WDR72: variants seen among roughly 807,000 people sequenced by gnomAD.
The protein encoded by WDR72 is WD repeat domain 72.
In WDR72, 120 loss-of-function variants were observed where a neutral mutation model predicts 124.2. The observed-to-expected ratio is 0.97, with a 90% CI of 0.83 to 1.12. The LOEUF is 1.12. WDR72 is among the 50% of genes most tolerant of loss of function. The pLI, the probability that WDR72 is intolerant of heterozygous loss-of-function variation, is 0.00. For synonymous variants in WDR72, 452 were observed against 441.7 expected (o/e 1.02, Z -0.29); for missense variants, 1,387 against 1,278.8 (o/e 1.08, Z -1.29).
At chr15:53,541,301 C>A (rs370362043) in intron 18 of WDR72, among the ~76,000 whole-genome samples, 1 of 152,148 alleles carries the variant, frequency 6.6e-6, no homozygotes, top group East Asian at 1.9e-4. Flanking sequence ...GATCTGAGAA[C>A]GGGCAGACTG....
At chr15:53,518,788 G>C (rs1355135964) in intron 19 of WDR72, among the ~76,000 whole-genome samples, 2 of 151,744 alleles carry the variant, frequency 1.3e-5, no homozygotes, top group African/African-American at 4.8e-5. Flanking sequence ...CTCCACCTTG[G>C]CTTTTCACAG....
At chr15:53,743,274 T>C (rs546441253) in intron 1 of WDR72, among the ~76,000 whole-genome samples, 1 of 152,196 alleles carries the variant, frequency 6.6e-6, no homozygotes, top group South Asian at 2.1e-4. Context: ...TAGAGTTTAA[T>C]TTATAGAGTT....
chr15:53,538,367 A>G (rs997648858), intron 18 of WDR72, among the ~76,000 whole-genome samples: 2 of 152,210 alleles, frequency 1.3e-5, no homozygotes, highest in Non-Finnish European at 2.9e-5. Flanking sequence ...CCTGGTTTCC[A>G]TTCACACATT....
intron 13 of WDR72, among the ~76,000 whole-genome samples, chr15:53,690,018 A>C (rs1303235900): frequency 7.2e-6 from 1 of 138,792 alleles, no homozygotes; most frequent in Non-Finnish European, 1.5e-5. Flanking sequence ...TTGAACAATT[A>C]GATCACATGG....
intron 18 of WDR72, among the ~76,000 whole-genome samples, chr15:53,555,690 CTTTGA>C (rs1893904875): frequency 6.6e-6 from 1 of 152,020 alleles, no homozygotes; most frequent in African/African-American, 2.4e-5. Context: ...TTAAAATGAA[CTTTGA>C]TTTATTTGTT....
intron 19 of WDR72, among the ~76,000 whole-genome samples, chr15:53,519,757 A>G (rs1050069197): frequency 1.3e-5 from 2 of 152,068 alleles, no homozygotes; most frequent in African/African-American, 4.8e-5. Flanking sequence ...CAATGGCATG[A>G]TGAATAAGGT....
chr15:53,544,769 C>T (rs62005883), intron 18 of WDR72, among the ~76,000 whole-genome samples: 34,311 of 146,560 alleles, frequency 0.23, 4,248 homozygotes, highest in African/African-American at 0.29. Context: ...AACCCCATTG[C>T]CTCAGCCCAA....
chr15:53,716,480 C>T (rs2017710861), intron 4 of WDR72, 127 bp downstream of exon 4: 3 of 743,154 alleles, frequency 4.0e-6, no homozygotes, highest in Non-Finnish European at 7.3e-6. Flanking sequence ...GATATTTGAC[C>T]CTCATGACAA....
At chr15:53,635,760 G>A (rs868866295) in intron 14 of WDR72, among the ~76,000 whole-genome samples, 2 of 151,990 alleles carry the variant, frequency 1.3e-5, no homozygotes. Flanking sequence ...CCTGGGTGAC[G>A]GGATCATTTA....
chr15:53,754,186 T>G (rs1367755643), intron 1 of WDR72, among the ~76,000 whole-genome samples: 1 of 152,194 alleles, frequency 6.6e-6, no homozygotes, highest in East Asian at 1.9e-4. Context: ...GTAAAACCTA[T>G]TCATTATGTA....
At chr15:53,696,240 C>A (rs2016999393) in intron 13 of WDR72, among the ~76,000 whole-genome samples, 1 of 152,108 alleles carries the variant, frequency 6.6e-6, no homozygotes, top group Admixed American at 6.6e-5. Context: ...TAAGTGTGAA[C>A]CCTGTGGAGA....
In WDR72 at chr15:53,699,871, ACTCTTTC is replaced by A; in HGVS notation, c.1637_1643del (p.Gly546ValfsTer13). On this transcript the variant is annotated frameshift_variant, in exon 13 of 20. Coordinates refer to ENST00000360509, the MANE Select transcript of WDR72 (RefSeq NM_182758.4). LOFTEE classifies it high-confidence loss of function. ...GGTGCTTCCGGGCATGCAGGAGGCA[ACTCTTTC>A]CCTCAAGGTGAAGGAGAGCCACGGA... The A allele has an allele frequency of 6.2e-7, 1 of 1,614,032 alleles. No homozygotes were observed. The highest frequency in any genetic ancestry group is 8.5e-7 in the Non-Finnish European group (1 of 1,180,006).
At chr15:53,686,909 A>T (rs1237493784) in intron 13 of WDR72, among the ~76,000 whole-genome samples, 1 of 151,758 alleles carries the variant, frequency 6.6e-6, no homozygotes, top group Non-Finnish European at 1.5e-5. Flanking sequence ...TAAGAATCTC[A>T]CTCAAAACCA....
upstream of WDR72, among the ~76,000 whole-genome samples, chr15:53,760,025 T>A (rs1414417109): frequency 6.6e-6 from 1 of 151,794 alleles, no homozygotes; most frequent in East Asian, 1.9e-4. Context: ...CCTTTTTTTT[T>A]TTTTTTTTTA....
chr15:53,616,343 GAGC>G, intron 14 of WDR72, 100 bp from the exon 15 acceptor site: 1 of 992,908 alleles, frequency 1.0e-6, no homozygotes, highest in South Asian at 1.5e-5. Flanking sequence ...TTACATTGCA[GAGC>G]AGCTAAAGGC....
chr15:53,713,192 GA>G (rs34671677), intron 6 of WDR72, among the ~76,000 whole-genome samples: 84 of 133,748 alleles, frequency 6.3e-4, no homozygotes, highest in African/African-American at 1.3e-3. Flanking sequence ...TGTATTTCTT[GA>G]AAAAAAAAAA....
At position 53,567,328 on chromosome 15, in the gene WDR72, G is replaced by T. The variant is rs1203244474; in HGVS notation, c.3148+29751C>A. Among the ~76,000 whole-genome samples the T allele has an allele frequency of 2.0e-5, 3 of 151,984 alleles. No homozygotes were observed. The East Asian group carries it at 5.8e-4, about 29-fold the overall frequency. ...TGTGTAATATGTAGTTCATACAATAGATTTGAGGGGAAGAATATGTAGGCA... is the reference window on the plus strand; with the variant it reads ...TGTGTAATATGTAGTTCATACAATATATTTGAGGGGAAGAATATGTAGGCA... On this transcript the variant is annotated intron_variant, in intron 18 of 19. Transcript: ENST00000360509.
intron 14 of WDR72, among the ~76,000 whole-genome samples, chr15:53,644,710 A>G (rs4776168): frequency 0.21 from 32,115 of 152,054 alleles, 3,801 homozygotes; most frequent in East Asian, 0.46. Context: ...TAGGTTGCTG[A>G]AGATCGTTGT....
At chr15:53,672,388 G>C (rs1201423465) in intron 13 of WDR72, among the ~76,000 whole-genome samples, 1 of 151,524 alleles carries the variant, frequency 6.6e-6, no homozygotes, top group African/African-American at 2.4e-5. Context: ...CCTGTTAGCA[G>C]TTTCTGCACA....
Sources: gnomAD v4.1 joint callset for allele counts (sites outside exome capture counted in the v4.1 genomes callset) on GRCh38, gnomAD v4.1.1 for gene constraint, MANE v1.5 for transcripts, NCBI Gene and HGNC (gene_info 2026-07-23, HGNC 2026-07-21) for gene names.